Variants in KHDC4 observed in about 807,000 individuals in gnomAD.
KHDC4 encodes the protein KH domain containing 4, pre-mRNA splicing factor, also known as KH homology domain-containing protein 4.
A neutral mutation model predicts 74.5 loss-of-function variants in KHDC4; 19 were observed. The ratio of observed to expected loss-of-function variants is 0.26; its 90% CI spans 0.18 to 0.37. KHDC4 has a LOEUF of 0.37. KHDC4 is among the 10% of genes least tolerant of loss of function. The pLI is 1.00. For missense variants in KHDC4, 632 were observed against 754.1 expected, an observed-to-expected ratio of 0.84 and a Z score of 1.90; for synonymous variants, 253 against 266.1, an observed-to-expected ratio of 0.95 and a Z score of 0.48.
intron 2 of KHDC4, among the ~76,000 whole-genome samples, chr1:155,933,267 A>T (rs1430609374): frequency 6.6e-6 from 1 of 151,900 alleles, no homozygotes; most frequent in Non-Finnish European, 1.5e-5. Context: ...ACAAATTATT[A>T]TGCGATTACA....
chr1:155,934,284 C>T lies in KHDC4; in HGVS notation c.38+52G>A, dbSNP rs1180967761. The T allele has an allele frequency of 3.1e-6, 5 of 1,588,344 alleles. No homozygotes were observed. In the African/African-American group the frequency reaches 6.7e-5, roughly 21 times the overall value. ...TACGCAGCTTCTCAGGGTCCCTCCG[C>T]CTCTCCTGCGCCCCAGTGCTCGCTC... On this transcript the variant is annotated intron_variant, in intron 1 of 13. Coordinates refer to ENST00000368321, the MANE Select transcript of KHDC4 (RefSeq NM_014949.4).
In KHDC4 at chr1:155,929,308, T is replaced by C. The variant is rs535416044; in HGVS notation, c.452A>G (p.Lys151Arg). ...GRFMTTEEKA[K>R]VGPGDRPLYL... is the part of the protein sequence containing the mutation. ...AGAGAATACGCACCCTGGTCCCACT[T>C]TGGCTTTTTCCTCAGTTGTCATGAA... The change falls in exon 4 of 14, where the codon AAA (lysine) becomes AGA (arginine). Residue 151 changes from lysine (K) to arginine (R), a missense_variant. Physicochemically the swap from Lys to Arg is conservative, Grantham distance 26. This residue lies in a region of KHDC4 where 233 missense variants were observed against 342.6 expected (regional missense o/e 0.68). Transcript: ENST00000368321. The C allele has an allele frequency of 3.7e-6, 6 of 1,613,174 alleles. No homozygotes were observed. Among genetic ancestry groups the C allele is most frequent in the East Asian group, 2.2e-5 (1 of 44,874 alleles).
At chr1:155,931,489 G>A (rs762093426) in intron 2 of KHDC4, among the ~76,000 whole-genome samples, 75 of 152,176 alleles carry the variant, frequency 4.9e-4, no homozygotes, top group Admixed American at 2.8e-3. Context: ...AGCTACTTGG[G>A]AGGCTGAGCC....
At chr1:155,922,814 A>C (rs1157637061) in intron 8 of KHDC4, among the ~76,000 whole-genome samples, 1 of 152,218 alleles carries the variant, frequency 6.6e-6, no homozygotes, top group African/African-American at 2.4e-5. Flanking sequence ...AAAGTAAAAA[A>C]ACAAACAAAA....
At chr1:155,920,520 T>C (rs1166702856) in intron 10 of KHDC4, among the ~76,000 whole-genome samples, 1 of 152,230 alleles carries the variant, frequency 6.6e-6, no homozygotes, top group Admixed American at 6.5e-5. Flanking sequence ...TTGAAAAGTT[T>C]ATATATCTCT....
chr1:155,932,967 C>CAGGT (rs1674174402), intron 2 of KHDC4, among the ~76,000 whole-genome samples: 1 of 152,070 alleles, frequency 6.6e-6, no homozygotes, highest in Non-Finnish European at 1.5e-5. Context: ...TAAAACCCTA[C>CAGGT]AGGTTCTAAT....
Position 155,926,992 on chromosome 1 carries a change from T to G in KHDC4, c.517+112A>C. On this transcript the variant is annotated intron_variant, in intron 5 of 13. Transcript: ENST00000368321. ...AACTCCCATACAAATTCGTGTATAG[T>G]TCATGAACAAGGGTTAGAACAGCCA... The G allele has an allele frequency of 1.4e-5, 19 of 1,319,020 alleles. No individual in the cohort carries two copies. The South Asian group carries it at 2.3e-4, about 16-fold the overall frequency. 81.7% of individuals were successfully genotyped at this position (1,319,020 alleles called of 1,614,324 possible).
At chr1:155,932,253 CAAG>C (rs1416492782) in intron 2 of KHDC4, 2 of 152,120 alleles carry the variant, frequency 1.3e-5, no homozygotes, top group African/African-American at 2.4e-5. Flanking sequence ...TCCAAGAATC[CAAG>C]AAGAATTACA....
Position 155,927,088 on chromosome 1 carries a change from C to CA in KHDC4, c.517+15dup, listed in dbSNP as rs1297789845. The CA allele has an allele frequency of 1.9e-6, 3 of 1,612,880 alleles. No homozygotes were observed. Among genetic ancestry groups the CA allele is most frequent in the Non-Finnish European group, 2.5e-6 (3 of 1,179,106 alleles). On this transcript the variant is annotated intron_variant, in intron 5 of 13. Transcript: ENST00000368321. ...TCTTCACAAAAAGTGCTACGTGAGC[C>CA]AAAAACATTACTTACTGTCCACTAA...
chr1:155,920,955 T>G, intron 10 of KHDC4, among the ~76,000 whole-genome samples: 1 of 152,206 alleles, frequency 6.6e-6, no homozygotes, highest in Non-Finnish European at 1.5e-5. Context: ...GACTGTGGCC[T>G]GCCACCTGTT....
chr1:155,929,373 G>A lies in KHDC4; in HGVS notation c.387C>T (p.Ile129=), dbSNP rs771782406. 6.2e-7 allele frequency: 1 copy of A among 1,611,576 alleles called. No homozygotes were observed. The highest frequency in any genetic ancestry group is 8.5e-7 in the Non-Finnish European group (1 of 1,179,000). The change falls in exon 4 of 14, where the codon ATC becomes ATT. Residue 129 remains isoleucine, a splice_region_variant and synonymous_variant. Coordinates refer to ENST00000368321, the MANE Select transcript of KHDC4 (RefSeq NM_014949.4). ...LLTRGQTQDE[I]SRLSGAAVST... is the part of the protein sequence containing the mutation. ...ATACTGCAGCCCCACTAAGTCGGCT[G>A]ATCTAAAAAAGGAAATGTTCAATTA... is the stretch of plus-strand genomic sequence containing the variant.
intron 4 of KHDC4, among the ~76,000 whole-genome samples, chr1:155,928,661 G>C (rs1674076615): frequency 6.8e-6 from 1 of 147,750 alleles, no homozygotes; most frequent in Non-Finnish European, 1.5e-5. Flanking sequence ...AAGTTAAGAA[G>C]TATATACAAT....
At chr1:155,934,138 A>C (rs1674202273) in intron 1 of KHDC4, among the ~76,000 whole-genome samples, 198 bp downstream of exon 1, 1 of 152,062 alleles carries the variant, frequency 6.6e-6, no homozygotes, top group Admixed American at 6.6e-5. Flanking sequence ...CCCTTCCAAA[A>C]GTCCCCGTTT....
Position 155,925,615 on chromosome 1 carries a change from GCC to G in KHDC4, c.893+15_893+16del. 6.2e-7 allele frequency: 1 copy of G among 1,601,232 alleles called. No individual in the cohort carries two copies. Among genetic ancestry groups the G allele is most frequent in the Non-Finnish European group, 8.6e-7 (1 of 1,168,274 alleles). ...GTTGACAAGAATTCACATGTCCCCT[GCC>G]CTATCCATCCATACCTGATGTAAAT... On this transcript the variant is annotated intron_variant, in intron 7 of 13. Coordinates refer to ENST00000368321, the MANE Select transcript of KHDC4 (RefSeq NM_014949.4).
At chr1:155,925,327 G>T (rs1045390350) in intron 7 of KHDC4, among the ~76,000 whole-genome samples, 1 of 151,302 alleles carries the variant, frequency 6.6e-6, no homozygotes, top group East Asian at 1.9e-4. Flanking sequence ...CACCGTGCCC[G>T]CCTAATTTTT....
Position 155,929,706 on chromosome 1 carries a change from C to T in KHDC4, c.384+6G>A. 1 of 1,608,520 alleles carries T rather than the reference C, an allele frequency of 6.2e-7. No individual in the cohort carries two copies. Among genetic ancestry groups the T allele is most frequent in the Non-Finnish European group, 8.5e-7 (1 of 1,178,378 alleles). On this transcript the variant is annotated splice_donor_region_variant and intron_variant, in intron 3 of 13. Transcript: ENST00000368321. The stretch of plus-strand genomic sequence containing the variant: ...CCCTCCCCAAAGAGTCTCAATGCCT[C>T]CTCACCTCGTCTTGAGTCTGTCCTC...
At chr1:155,927,826 A>C (rs1674042119) in intron 4 of KHDC4, among the ~76,000 whole-genome samples, 1 of 77,284 alleles carries the variant, frequency 1.3e-5, no homozygotes, top group Non-Finnish European at 2.6e-5. Flanking sequence ...AAAAAAAAAA[A>C]AAAAACCACA....
In KHDC4 at chr1:155,915,933, T is replaced by C; in HGVS notation, c.1585A>G (p.Thr529Ala). 1 of 1,597,874 alleles carries C rather than the reference T, an allele frequency of 6.3e-7. No homozygotes were observed. The change falls in exon 13 of 14, where the codon ACT (threonine) becomes GCT (alanine). Residue 529 changes from threonine (T) to alanine (A), a missense_variant. Transcript: ENST00000368321. ...TCATCGGACTCTGTTTTTATTCCAG[T>C]CACTGGAAAGGCTGGTGGAGGCATC... ...QLMPPPAFPVTGIKTESDERN... is the reference protein window; with the variant it reads ...QLMPPPAFPVAGIKTESDERN...
intron 10 of KHDC4, 76 bp downstream of exon 10, chr1:155,921,299 G>T: frequency 6.7e-7 from 1 of 1,502,056 alleles, no homozygotes; most frequent in Non-Finnish European, 9.2e-7. Flanking sequence ...TTTATTTCTG[G>T]AATACCACTA....
Sources: gnomAD v4.1 joint callset for allele counts (sites outside exome capture counted in the v4.1 genomes callset) on GRCh38, gnomAD v4.1.1 for gene constraint, gnomAD v4.1.1 regional missense constraint, MANE v1.5 for transcripts, NCBI Gene and HGNC (gene_info 2026-07-23, HGNC 2026-07-21) for gene names.